Variants in CPPED1 observed in about 807,000 individuals in gnomAD.
CPPED1 encodes the protein calcineurin like phosphoesterase domain containing 1.
In CPPED1, 28 loss-of-function variants were observed where a neutral mutation model predicts 28.0. The ratio of observed to expected loss-of-function variants is 1.00; its 90% CI spans 0.74 to 1.37. The LOEUF is 1.37. Ranked by LOEUF, CPPED1 falls within the 40% of genes most tolerant of loss-of-function variation. The probability of loss-of-function intolerance (pLI) is 0.00; values close to 1 mark genes in which losing one functional copy is unlikely to be tolerated. For missense variants in CPPED1, 504 were observed against 416.5 expected, an observed-to-expected ratio of 1.21 and a Z score of -1.83; for synonymous variants, 198 against 180.2, an observed-to-expected ratio of 1.10 and a Z score of -0.79.
At chr16:12,792,943 T>C (rs1221183594) in intron 1 of CPPED1, among the ~76,000 whole-genome samples, 1 of 152,128 alleles carries the variant, frequency 6.6e-6, no homozygotes, top group African/African-American at 2.4e-5. Context: ...CTTCCCCTCC[T>C]CTTTCTGGTA....
At position 12,709,236 on chromosome 16, in the gene CPPED1, G is replaced by T. The variant is rs914976914; in HGVS notation, c.290-4187C>A. Among the ~76,000 whole-genome samples the T allele has an allele frequency of 2.6e-5, 4 of 152,130 alleles. No individual in the cohort carries two copies. Among genetic ancestry groups the T allele is most frequent in the Admixed American group, 1.3e-4 (2 of 15,258 alleles). On this transcript the variant is annotated intron_variant, in intron 2 of 3. Transcript: ENST00000381774. This position sits in a 1 kb window ranked among gnomAD's most constrained non-coding sequence, Gnocchi z 4.4. ...GTTCACAAAAAGAATGTATATAAAG[G>T]ACAGGAAGAAAGGCAGGGAAACAAG...
chr16:12,745,539 G>A (rs763486894), intron 2 of CPPED1, among the ~76,000 whole-genome samples: 3 of 152,196 alleles, frequency 2.0e-5, no homozygotes, highest in Non-Finnish European at 4.4e-5. Flanking sequence ...GGGTGGAACT[G>A]GAGGCTATTA....
At chr16:12,754,982 G>A (rs1002484923) in intron 2 of CPPED1, among the ~76,000 whole-genome samples, 3 of 152,172 alleles carry the variant, frequency 2.0e-5, no homozygotes, top group African/African-American at 7.2e-5. Context: ...CTGCACTCTA[G>A]CCTGGGCAAC....
At chr16:12,793,912 A>G (rs1232424087) in intron 1 of CPPED1, among the ~76,000 whole-genome samples, 1 of 152,252 alleles carries the variant, frequency 6.6e-6, no homozygotes, top group Non-Finnish European at 1.5e-5. Flanking sequence ...TTTCTAGCTA[A>G]AGAGCAAATG....
chr16:12,736,335 T>C (rs2080226770), intron 2 of CPPED1, among the ~76,000 whole-genome samples: 2 of 150,938 alleles, frequency 1.3e-5, no homozygotes, highest in South Asian at 4.2e-4. Context: ...AACCTCCACC[T>C]CCCAGGTTCG....
chr16:12,718,562 GA>G lies in CPPED1; in HGVS notation c.290-13514del, dbSNP rs994472447. Among the ~76,000 whole-genome samples, 591 of 143,922 alleles carry G rather than the reference GA, an allele frequency of 4.1e-3. 4 individuals carry two copies. The highest frequency in any genetic ancestry group is 0.015 in the Middle Eastern group (4 of 272). 94.4% of individuals were successfully genotyped at this position (143,922 alleles called of 152,430 possible). On this transcript the variant is annotated intron_variant, in intron 2 of 3. Coordinates refer to ENST00000381774, the MANE Select transcript of CPPED1 (RefSeq NM_018340.3). ...TTAAAAAAAAAAAAAAAAAAAGAAA[GA>G]AAAAAAAGGTGTTGATAATACGATT...
chr16:12,715,247 C>T (rs577680306), intron 2 of CPPED1, among the ~76,000 whole-genome samples: 1 of 152,144 alleles, frequency 6.6e-6, no homozygotes, highest in Non-Finnish European at 1.5e-5. Context: ...TTTATTCTTC[C>T]TTTTCAAGGT....
At chr16:12,721,969 T>C (rs2080143416) in intron 2 of CPPED1, among the ~76,000 whole-genome samples, 1 of 152,134 alleles carries the variant, frequency 6.6e-6, no homozygotes, top group South Asian at 2.1e-4. Context: ...ATTTACTGTC[T>C]TAGTAAGAAT....
At chr16:12,692,344 G>A (rs149909631) in intron 3 of CPPED1, among the ~76,000 whole-genome samples, 1 of 152,090 alleles carries the variant, frequency 6.6e-6, no homozygotes, top group African/African-American at 2.4e-5. Context: ...CTCGGCAGTG[G>A]GTCAGGGGTA....
At chr16:12,791,684 T>C (rs1388536454) in intron 1 of CPPED1, among the ~76,000 whole-genome samples, 1 of 152,160 alleles carries the variant, frequency 6.6e-6, no homozygotes, top group Admixed American at 6.6e-5. Flanking sequence ...CTCCAGTCCA[T>C]CTCAGGCAGT....
At chr16:12,757,197 A>T (rs947731320) in intron 2 of CPPED1, among the ~76,000 whole-genome samples, 4 of 152,110 alleles carry the variant, frequency 2.6e-5, no homozygotes, top group Non-Finnish European at 5.9e-5. Context: ...GGTGACCAAC[A>T]AAGTTATAGC....
At chr16:12,756,314 A>G (rs1176360960) in intron 2 of CPPED1, among the ~76,000 whole-genome samples, 1 of 152,156 alleles carries the variant, frequency 6.6e-6, no homozygotes, top group African/African-American at 2.4e-5. Context: ...AAATGCTGCA[A>G]ATTATGGGAG....
intron 2 of CPPED1, among the ~76,000 whole-genome samples, chr16:12,766,078 A>G (rs868223871): frequency 2.6e-5 from 4 of 152,128 alleles, no homozygotes; most frequent in Middle Eastern, 6.8e-3. Flanking sequence ...CGCTTTGTCT[A>G]TGGCATGTTG....
chr16:12,715,441 C>T (rs148302849), intron 2 of CPPED1, among the ~76,000 whole-genome samples: 2,472 of 152,214 alleles, frequency 0.016, 25 homozygotes, highest in Non-Finnish European at 0.027. Flanking sequence ...GGGCAGATCA[C>T]TTGAGGTCAA....
At chr16:12,666,653 T>G (rs929423046) in intron 3 of CPPED1, among the ~76,000 whole-genome samples, 5 of 152,166 alleles carry the variant, frequency 3.3e-5, no homozygotes, top group Non-Finnish European at 5.9e-5. Context: ...TGCCCAGTAG[T>G]GCCCATTACA....
intron 1 of CPPED1, among the ~76,000 whole-genome samples, chr16:12,800,393 C>T (rs1361108334): frequency 6.7e-6 from 1 of 148,998 alleles, no homozygotes; most frequent in African/African-American, 2.5e-5. Flanking sequence ...AGTAGCATCA[C>T]TGCACTGCAG....
chr16:12,721,405 C>T (rs1208324285), intron 2 of CPPED1, among the ~76,000 whole-genome samples: 1 of 152,172 alleles, frequency 6.6e-6, no homozygotes, highest in Non-Finnish European at 1.5e-5. Context: ...CCTTCCCATT[C>T]AACCAGACCA....
At position 12,665,057 on chromosome 16, in the gene CPPED1, G is replaced by T; in HGVS notation, c.774C>A (p.Asn258Lys). 6.2e-7 allele frequency: 1 copy of T among 1,609,270 alleles called. No individual in the cohort carries two copies. The highest frequency in any genetic ancestry group is 8.5e-7 in the Non-Finnish European group (1 of 1,178,600). Reference protein sequence around the residue: ...YHRNAGGTYQNLDMVVSSAIG... With the variant: ...YHRNAGGTYQKLDMVVSSAIG... ...TGGCAGATGACACCACCATGTCGAG[G>T]TTCTGGTAGGTACCCCCGGCATTCC... is the stretch of plus-strand genomic sequence containing the variant. The change falls in exon 4 of 4, where the codon AAC becomes AAA. Residue 258 changes from asparagine to lysine, a missense_variant. By Grantham distance (94) the Asn-to-Lys change is moderately conservative. Transcript: ENST00000381774.
At chr16:12,704,195 G>A (rs2080035569) in intron 3 of CPPED1, among the ~76,000 whole-genome samples, 1 of 152,060 alleles carries the variant, frequency 6.6e-6, no homozygotes, top group Non-Finnish European at 1.5e-5. Flanking sequence ...GATGTCCCTG[G>A]CATCTTGCCT....
Sources: gnomAD v4.1 joint callset for allele counts (sites outside exome capture counted in the v4.1 genomes callset) on GRCh38, gnomAD v4.1.1 for gene constraint, Gnocchi (gnomAD v3.1) non-coding constraint, MANE v1.5 for transcripts, NCBI Gene and HGNC (gene_info 2026-07-23, HGNC 2026-07-21) for gene names.